Variants in AGO3 observed in about 807,000 individuals in gnomAD.
AGO3 encodes the protein protein argonaute-3.
In AGO3, 16 loss-of-function variants were observed where a neutral mutation model predicts 105.5. The observed-to-expected ratio is 0.15, with a 90% CI of 0.10 to 0.23. The LOEUF (loss-of-function observed/expected upper bound fraction) is 0.23, where lower values mean the gene tolerates loss of function less well. Ranked by LOEUF, AGO3 falls within the 10% of genes least tolerant of loss-of-function variation. The pLI, the probability that AGO3 is intolerant of heterozygous loss-of-function variation, is 1.00. For missense variants in AGO3, 534 were observed against 1,088.0 expected (o/e 0.49, Z 7.16); for synonymous variants, 340 against 367.3 (o/e 0.93, Z 0.85).
chr1:36,023,768 C>T (rs1458365008), intron 11 of AGO3, among the ~76,000 whole-genome samples: 1 of 152,146 alleles, frequency 6.6e-6, no homozygotes, highest in East Asian at 1.9e-4. Context: ...TGTAACACTA[C>T]CTACCAGGTG....
At position 36,013,665 on chromosome 1, in the gene AGO3, T is replaced by A; in HGVS notation, c.1185T>A (p.Val395=). The A allele has an allele frequency of 6.2e-7, 1 of 1,614,184 alleles. No individual in the cohort carries two copies. Among genetic ancestry groups the A allele is most frequent in the Non-Finnish European group, 8.5e-7 (1 of 1,180,030 alleles). Residue 395 remains valine, a synonymous_variant, in exon 10 of 19, where the codon GTT becomes GTA. Transcript: ENST00000373191. ...CAAATTATGAAACAGATCCATTTGT[T>A]CAGGAGTTTCAATTTAAAGTTCGGG... ...RSANYETDPF[V]QEFQFKVRDE... is the part of the protein sequence containing the mutation.
At chr1:36,046,564 G>A (rs555288880) in intron 17 of AGO3, among the ~76,000 whole-genome samples, 6 of 138,832 alleles carry the variant, frequency 4.3e-5, no homozygotes, top group East Asian at 4.5e-4. Flanking sequence ...ACGTCATGGC[G>A]CGCGCCTGTA....
At position 35,960,251 on chromosome 1, in the gene AGO3, A is replaced by G. The variant is rs145343828; in HGVS notation, c.192-6704A>G. ...CACATGCCTACCTATTAAAGATTCT[A>G]ATAAACTACCCTTTTCCCTAATATC... On this transcript the variant is annotated intron_variant, in intron 2 of 18. Transcript: ENST00000373191. Among the ~76,000 whole-genome samples the G allele has an allele frequency of 9.1e-4, 139 of 152,262 alleles. 2 individuals carry two copies. The East Asian group carries it at 0.02, about 22-fold the overall frequency.
chr1:36,043,076 TAA>T (rs1642316540), intron 16 of AGO3, among the ~76,000 whole-genome samples: 1 of 152,206 alleles, frequency 6.6e-6, no homozygotes, highest in Admixed American at 6.5e-5. Flanking sequence ...TTCTCCAAGG[TAA>T]ATGCTGATCT....
At chr1:35,986,497 T>C (rs1045831243) in intron 5 of AGO3, among the ~76,000 whole-genome samples, 2 of 152,158 alleles carry the variant, frequency 1.3e-5, no homozygotes, top group Admixed American at 6.5e-5. Context: ...AAGACCAGCC[T>C]GGTCCACATG....
intron 5 of AGO3, among the ~76,000 whole-genome samples, chr1:35,979,682 A>G (rs1195615919): frequency 1.3e-5 from 2 of 152,146 alleles, no homozygotes; most frequent in African/African-American, 4.8e-5. Context: ...GAGCATATAT[A>G]TTCATATCTG....
chr1:35,957,551 C>A (rs1214789442), intron 2 of AGO3, among the ~76,000 whole-genome samples: 1 of 151,792 alleles, frequency 6.6e-6, no homozygotes, highest in African/African-American at 2.4e-5. Flanking sequence ...CATGGTGAAA[C>A]CCCGTCTCTA....
At position 35,998,082 on chromosome 1, in the gene AGO3, T is replaced by G. The variant is rs553086864; in HGVS notation, c.659-6259T>G. Among the ~76,000 whole-genome samples the G allele has an allele frequency of 1.9e-3, 293 of 152,348 alleles. 1 individual carries two copies. Among genetic ancestry groups the G allele is most frequent in the Non-Finnish European group, 3.6e-3 (247 of 68,028 alleles). On this transcript the variant is annotated intron_variant, in intron 5 of 18. Transcript: ENST00000373191. ...CCTTAATACATTCAGAGATATACTA[T>G]GTTTATGAATTGAAATACTATCCCA...
chr1:35,938,967 A>G (rs145042876), intron 1 of AGO3, among the ~76,000 whole-genome samples: 4 of 152,114 alleles, frequency 2.6e-5, no homozygotes, highest in South Asian at 2.1e-4. Context: ...TTGGAAATGT[A>G]TGGTTTTATG....
chr1:35,958,360 G>A (rs764243596), intron 2 of AGO3, among the ~76,000 whole-genome samples: 57 of 151,560 alleles, frequency 3.8e-4, no homozygotes, highest in Non-Finnish European at 3.4e-4. Flanking sequence ...CAGTCTAGGC[G>A]ACAGAATAAG....
chr1:35,989,155 A>G (rs1647380374), intron 5 of AGO3, among the ~76,000 whole-genome samples: 1 of 152,210 alleles, frequency 6.6e-6, no homozygotes, highest in African/African-American at 2.4e-5. Context: ...TGGTTGAGGG[A>G]TGTTTCCCTC....
At chr1:36,026,745 A>G (rs1476975213) in intron 11 of AGO3, among the ~76,000 whole-genome samples, 1 of 152,326 alleles carries the variant, frequency 6.6e-6, no homozygotes, top group South Asian at 2.1e-4. Flanking sequence ...CCAACCCTAT[A>G]GTTGAAGCAA....
chr1:36,047,612 G>A (rs558817999), intron 17 of AGO3, among the ~76,000 whole-genome samples: 59 of 152,288 alleles, frequency 3.9e-4, no homozygotes, highest in African/African-American at 1.3e-3. Flanking sequence ...GGGCATGGTG[G>A]CTTACACCTG....
At chr1:35,971,160 AT>A (rs1464106980) in intron 3 of AGO3, among the ~76,000 whole-genome samples, 4 of 139,408 alleles carry the variant, frequency 2.9e-5, no homozygotes, top group African/African-American at 8.9e-5. Context: ...ATATATATTT[AT>A]TTTATTTATT....
intron 13 of AGO3, 80 bp from the exon 14 acceptor site, chr1:36,036,097 G>T: frequency 2.3e-6 from 3 of 1,307,150 alleles, no homozygotes; most frequent in Non-Finnish European, 3.3e-6. Context: ...ATAACTTGAA[G>T]TTACGTTGCA....
At chr1:35,973,268 A>G in intron 4 of AGO3, 107 bp from the exon 5 acceptor site, 2 of 1,161,542 alleles carry the variant, frequency 1.7e-6, no homozygotes, top group Non-Finnish European at 2.3e-6. Flanking sequence ...ATATATTCAT[A>G]ATGATAAGCA....
intron 17 of AGO3, among the ~76,000 whole-genome samples, chr1:36,043,959 A>G (rs567751836): frequency 1.3e-5 from 2 of 152,320 alleles, no homozygotes; most frequent in Non-Finnish European, 1.5e-5. Context: ...CAGCCTCCCA[A>G]GTAGTTGGGA....
chr1:36,033,154 C>CA (rs530254923), intron 12 of AGO3, among the ~76,000 whole-genome samples: 24 of 150,470 alleles, frequency 1.6e-4, no homozygotes, highest in African/African-American at 3.4e-4. Context: ...AAAATAAAAA[C>CA]AAAAAAAATA....
At chr1:35,973,651 T>TATA in intron 5 of AGO3, 140 bp downstream of exon 5, 1 of 975,002 alleles carries the variant, frequency 1.0e-6, no homozygotes, top group Non-Finnish European at 1.4e-6. Flanking sequence ...GAGAAACCTT[T>TATA]ATATTTTTAT....
Sources: gnomAD v4.1 joint callset for allele counts (sites outside exome capture counted in the v4.1 genomes callset) on GRCh38, gnomAD v4.1.1 for gene constraint, MANE v1.5 for transcripts, NCBI Gene and HGNC (gene_info 2026-07-23, HGNC 2026-07-21) for gene names.